Variants in CDH13 observed in about 807,000 individuals in gnomAD.
CDH13 encodes cadherin-13.
A neutral mutation model predicts 63.8 loss-of-function variants in CDH13; 24 were observed. The observed-to-expected ratio is 0.38, with a 90% CI of 0.27 to 0.53. CDH13 has a LOEUF of 0.53. Among genes scored for constraint, CDH13 ranks in the 20% least tolerant of loss-of-function variants. The pLI is 0.85. For missense variants in CDH13, 1,049 were observed against 903.1 expected (o/e 1.16, Z -2.07); for synonymous variants, 503 against 355.3 (o/e 1.42, Z -4.67).
intron 6 of CDH13, among the ~76,000 whole-genome samples, chr16:83,449,450 A>G (rs1165787012): frequency 3.9e-5 from 6 of 152,190 alleles, no homozygotes; most frequent in Non-Finnish European, 7.3e-5. Flanking sequence ...ATCCTGTTCT[A>G]ATGCAGAGCA....
chr16:82,695,533 G>C (rs2030177716), intron 1 of CDH13, among the ~76,000 whole-genome samples: 1 of 152,172 alleles, frequency 6.6e-6, no homozygotes, highest in South Asian at 2.1e-4. Context: ...TTTGGTGTGT[G>C]CTGCTCCTAA....
At chr16:83,569,674 A>G (rs1250286175) in intron 7 of CDH13, among the ~76,000 whole-genome samples, 1 of 152,146 alleles carries the variant, frequency 6.6e-6, no homozygotes, top group Non-Finnish European at 1.5e-5. Context: ...ATGGACTCAG[A>G]GACGTCCAGG....
intron 1 of CDH13, chr16:82,829,565 A>T (rs564372733): frequency 2.6e-5 from 4 of 152,242 alleles, no homozygotes; most frequent in African/African-American, 7.2e-5. Context: ...AAGATTACTG[A>T]AAGGGAAAGA....
chr16:83,644,165 C>T (rs1451666404), intron 8 of CDH13, among the ~76,000 whole-genome samples: 2 of 152,212 alleles, frequency 1.3e-5, no homozygotes, highest in Non-Finnish European at 2.9e-5. Context: ...CAGATGTGTC[C>T]CTTGAATGGC....
At chr16:83,548,535 C>G (rs541671731) in intron 7 of CDH13, among the ~76,000 whole-genome samples, 25 of 152,292 alleles carry the variant, frequency 1.6e-4, no homozygotes, top group African/African-American at 6.0e-4. Context: ...ATCTTTGGGT[C>G]TTGTCTTGCT....
At chr16:83,272,260 A>C in intron 5 of CDH13, among the ~76,000 whole-genome samples, 1 of 152,218 alleles carries the variant, frequency 6.6e-6, no homozygotes, top group East Asian at 1.9e-4. Flanking sequence ...AGTGTCAGGG[A>C]ATGATAAGAC....
chr16:83,363,386 G>C (rs1264638724), intron 6 of CDH13, among the ~76,000 whole-genome samples: 1 of 152,212 alleles, frequency 6.6e-6, no homozygotes, highest in East Asian at 1.9e-4. Flanking sequence ...AAGTATGTGT[G>C]TATACATGCA....
chr16:83,063,014 G>A (rs2031700296), intron 3 of CDH13, among the ~76,000 whole-genome samples: 1 of 149,658 alleles, frequency 6.7e-6, no homozygotes, highest in African/African-American at 2.5e-5. Context: ...CCAGGCTGGA[G>A]TTCAGGGTGC....
intron 3 of CDH13, among the ~76,000 whole-genome samples, chr16:83,090,597 C>G (rs1462600781): frequency 2.7e-5 from 4 of 149,756 alleles, no homozygotes; most frequent in Non-Finnish European, 5.9e-5. Context: ...AAAATAAGTG[C>G]TTGTCTCTGC....
chr16:83,158,872 T>C (rs530557493), intron 4 of CDH13, among the ~76,000 whole-genome samples: 2 of 152,332 alleles, frequency 1.3e-5, no homozygotes, highest in South Asian at 2.1e-4. Flanking sequence ...CTGGGCTCTC[T>C]TTGGGCTTCT....
rs79220270 is a variant in CDH13 at position 83,200,625 on chromosome 16, C to T, written c.484-16720C>T. 3.9e-3 allele frequency among the ~76,000 whole-genome samples: 590 copies of T among 152,240 alleles called. 6 individuals are homozygous for T. Among genetic ancestry groups the T allele is most frequent in the African/African-American group, 0.013 (560 of 41,544 alleles). Reference sequence around the variant, plus strand: ...AGCAGGTATTGGGCAATTGTGTTTACCCAGGGTCGTTTTGGGGAATATTAG... The same window carrying T: ...AGCAGGTATTGGGCAATTGTGTTTATCCAGGGTCGTTTTGGGGAATATTAG... On this transcript the variant is annotated intron_variant, in intron 4 of 13. Transcript: ENST00000567109.
intron 1 of CDH13, among the ~76,000 whole-genome samples, chr16:82,671,775 G>A (rs1426706513): frequency 3.9e-5 from 6 of 152,184 alleles, no homozygotes; most frequent in Admixed American, 2.0e-4. Flanking sequence ...TTTACTTTCT[G>A]GGTGTTCTTT....
intron 3 of CDH13, among the ~76,000 whole-genome samples, chr16:83,078,342 C>T (rs928875044): frequency 2.6e-5 from 4 of 152,088 alleles, no homozygotes; most frequent in South Asian, 2.1e-4. Flanking sequence ...ATATTGGGGA[C>T]GGGGATGATG....
chr16:83,231,340 C>T (rs999512210), intron 5 of CDH13, among the ~76,000 whole-genome samples: 6 of 152,172 alleles, frequency 3.9e-5, no homozygotes, highest in African/African-American at 1.4e-4. Flanking sequence ...CTGCTAGGTT[C>T]AGGGCTCTCC....
At chr16:83,068,949 G>T (rs1464986850) in intron 3 of CDH13, among the ~76,000 whole-genome samples, 1 of 152,136 alleles carries the variant, frequency 6.6e-6, no homozygotes, top group African/African-American at 2.4e-5. Flanking sequence ...TTTTCACTAT[G>T]AAGGTTTAGA....
chr16:83,410,834 A>T (rs1005117260), intron 6 of CDH13, among the ~76,000 whole-genome samples: 1 of 152,134 alleles, frequency 6.6e-6, no homozygotes, highest in East Asian at 1.9e-4. Flanking sequence ...TTGAGTGCCC[A>T]CTAACAACTG....
At chr16:82,933,050 G>A (rs1597241454) in intron 2 of CDH13, among the ~76,000 whole-genome samples, 1 of 152,176 alleles carries the variant, frequency 6.6e-6, no homozygotes, top group South Asian at 2.1e-4. Flanking sequence ...CTTTGAGAAA[G>A]GGGTTTGCAT....
At chr16:82,717,073 G>A (rs1192788324) in intron 1 of CDH13, among the ~76,000 whole-genome samples, 1 of 152,140 alleles carries the variant, frequency 6.6e-6, no homozygotes, top group African/African-American at 2.4e-5. Flanking sequence ...AGTCACACTT[G>A]GCTGCTGGAG....
intron 13 of CDH13, among the ~76,000 whole-genome samples, chr16:83,793,829 AAT>A (rs1193095844): frequency 2.1e-5 from 3 of 146,042 alleles, no homozygotes; most frequent in African/African-American, 5.0e-5. Context: ...AAAAAAAAAA[AAT>A]TTCTCAGATG....
Sources: gnomAD v4.1 joint callset for allele counts (sites outside exome capture counted in the v4.1 genomes callset) on GRCh38, gnomAD v4.1.1 for gene constraint, MANE v1.5 for transcripts, NCBI Gene and HGNC (gene_info 2026-07-23, HGNC 2026-07-21) for gene names.